OR2L2: variants seen among roughly 807,000 people sequenced by gnomAD.
The protein encoded by OR2L2 is olfactory receptor 2L2.
For missense variants in OR2L2, 378 were observed against 375.2 expected (o/e 1.01, Z -0.06); for synonymous variants, 156 against 135.4 (o/e 1.15, Z -1.06).
At chr1:248,033,888 A>G (rs1203815525) in intron 1 of OR2L2, among the ~76,000 whole-genome samples, 1 of 152,198 alleles carries the variant, frequency 6.6e-6, no homozygotes, top group East Asian at 1.9e-4. Context: ...CACAGCAGTC[A>G]GAAAGAGAAT....
rs1662830703 is a variant in OR2L2, at chr1:248,038,475, C to G, written c.208C>G (p.Leu70Val). The change falls in exon 3 of 3, where the codon CTA (leucine) becomes GTA (valine). Residue 70 changes from leucine (L) to valine (V), a missense_variant. Coordinates refer to ENST00000641771, the MANE Select transcript of OR2L2 (RefSeq NM_001385855.1). ...FLLSQLSLID[L>V]NYISTIVPKM... is the part of the protein sequence containing the mutation. ...ACTTAGTCAGCTCTCCCTCATTGAC[C>G]TAAATTACATCTCCACCATTGTTCC... is the stretch of plus-strand genomic sequence containing the variant. 6.2e-7 allele frequency: 1 copy of G among 1,613,720 alleles called. No homozygotes were observed. Among genetic ancestry groups the G allele is most frequent in the African/African-American group, 1.3e-5 (1 of 74,906 alleles).
At chr1:248,033,895 G>T (rs1244419954) in intron 1 of OR2L2, among the ~76,000 whole-genome samples, 1 of 152,158 alleles carries the variant, frequency 6.6e-6, no homozygotes, top group African/African-American at 2.4e-5. Context: ...GTCAGAAAGA[G>T]AATGAAATAA....
chr1:248,039,088 C>T lies in OR2L2; in HGVS notation c.821C>T (p.Ala274Val). Residue 274 changes from alanine to valine, a missense_variant, in exon 3 of 3, where the codon GCT (alanine) becomes GTT (valine). Transcript: ENST00000641771. ...TCTCCAACAGAGGACAAGATTCTGG[C>T]TGTTTTCTACACCATCCTCACCCCA... Reference protein sequence around the residue: ...LRSPTEDKILAVFYTILTPML... With the variant: ...LRSPTEDKILVVFYTILTPML... 1 of 1,614,096 alleles carries T rather than the reference C, an allele frequency of 6.2e-7. No homozygotes were observed. Among genetic ancestry groups the T allele is most frequent in the Non-Finnish European group, 8.5e-7 (1 of 1,180,014 alleles).
At chr1:248,030,351 A>G (rs1374530262) in intron 1 of OR2L2, 116 bp downstream of exon 1, 1 of 152,198 alleles carries the variant, frequency 6.6e-6, no homozygotes, top group Admixed American at 6.6e-5. Context: ...TTCAGCACTA[A>G]TGACTGTACT....
In OR2L2 at chr1:248,039,597, T is replaced by C. The variant is rs557689772; in HGVS notation, c.*391T>C. ...CACCATGCCCTGCCTGTTTTTTTTTTAATCAAATATAGGTCATATATTTTC... is the reference window on the plus strand; with the variant it reads ...CACCATGCCCTGCCTGTTTTTTTTTCAATCAAATATAGGTCATATATTTTC... On this transcript the variant is annotated 3_prime_UTR_variant, in exon 3 of 3. Transcript: ENST00000641771. 1.9e-5 allele frequency: 3 copies of C among 160,320 alleles called. No homozygotes were observed. The highest frequency in any genetic ancestry group is 4.9e-5 in the African/African-American group (2 of 41,208). 9.9% of individuals were successfully genotyped at this position (160,320 alleles called of 1,614,324 possible). A position where few individuals can be genotyped will look rare whatever the true frequency, so the allele number is the denominator to read the frequency against.
At position 248,038,383 on chromosome 1, in the gene OR2L2, T is replaced by C. The variant is rs778617972; in HGVS notation, c.116T>C (p.Ile39Thr). 3 of 1,613,592 alleles carry C rather than the reference T, an allele frequency of 1.9e-6. No homozygotes were observed. Among genetic ancestry groups the C allele is most frequent in the South Asian group, 2.2e-5 (2 of 91,066 alleles). The change falls in exon 3 of 3, where the codon ATT becomes ACT. Residue 39 changes from isoleucine to threonine, a missense_variant. Ile to Thr is a moderately conservative substitution (Grantham distance 89). Transcript: ENST00000641771. ...LIFLIFLMALIGNLSMILLIF... is the reference protein window; with the variant it reads ...LIFLIFLMALTGNLSMILLIF... The stretch of plus-strand genomic sequence containing the variant: ...TTTCTCATTTTCCTAATGGCTCTAA[T>C]TGGAAATCTATCCATGATTCTTCTC...
At chr1:248,035,844 A>G (rs1054810246) in intron 2 of OR2L2, among the ~76,000 whole-genome samples, 2 of 152,242 alleles carry the variant, frequency 1.3e-5, no homozygotes, top group South Asian at 4.1e-4. Context: ...TCCACTTTAT[A>G]TCTGCAGTAA....
At position 248,039,169 on chromosome 1, in the gene OR2L2, C is replaced by G. The variant is rs766323221; in HGVS notation, c.902C>G (p.Thr301Arg). The change falls in exon 3 of 3, where the codon ACA becomes AGA. Residue 301 changes from threonine to arginine, a missense_variant. Thr to Arg is a moderately conservative substitution (Grantham distance 71). Transcript: ENST00000641771. ...AACAAGGAGGTGATGGGGGCCCTGA[C>G]ACAAGTGATTCAGAAAATCTTCTCA... ...LRNKEVMGAL[T>R]QVIQKIFSVK... The G allele has an allele frequency of 6.2e-7, 1 of 1,611,800 alleles. No individual in the cohort carries two copies.
intron 1 of OR2L2, among the ~76,000 whole-genome samples, chr1:248,030,872 A>G (rs931686241): frequency 6.6e-6 from 1 of 152,172 alleles, no homozygotes; most frequent in Non-Finnish European, 1.5e-5. Flanking sequence ...GTATCATTCC[A>G]TTCATGTAGG....
At chr1:248,035,314 T>C (rs1181322975) in intron 1 of OR2L2, among the ~76,000 whole-genome samples, 1 of 152,030 alleles carries the variant, frequency 6.6e-6, no homozygotes, top group African/African-American at 2.4e-5. Context: ...GCCAGCTTGG[T>C]GGCAGGTGCC....
At chr1:248,032,688 T>C (rs1390176952) in intron 1 of OR2L2, among the ~76,000 whole-genome samples, 1 of 152,232 alleles carries the variant, frequency 6.6e-6, no homozygotes, top group African/African-American at 2.4e-5. Context: ...AAAATTTCTT[T>C]CATTTTAAAA....
At chr1:248,036,406 T>G (rs969501643) in intron 2 of OR2L2, among the ~76,000 whole-genome samples, 3 of 152,218 alleles carry the variant, frequency 2.0e-5, no homozygotes, top group African/African-American at 7.2e-5. Context: ...TTATAACATA[T>G]CATAGACATC....
chr1:248,038,179 C>A, intron 2 of OR2L2, 68 bp from the exon 3 acceptor site: 1 of 926,380 alleles, frequency 1.1e-6, no homozygotes, highest in South Asian at 1.6e-5. Flanking sequence ...CACTGGGAGT[C>A]TTGTAATGCA....
In OR2L2 at chr1:248,038,336, C is replaced by T. The variant is rs1270035620; in HGVS notation, c.69C>T (p.Gly23=). 1.9e-6 allele frequency: 3 copies of T among 1,613,282 alleles called. No individual in the cohort carries two copies. Among genetic ancestry groups the T allele is most frequent in the African/African-American group, 1.3e-5 (1 of 74,870 alleles). Residue 23 remains glycine (G), a synonymous_variant, in exon 3 of 3, where the codon GGC becomes GGT. Transcript: ENST00000641771. The stretch of plus-strand genomic sequence containing the variant: ...GGCTGTTCCCACAATCAAGAATTGG[C>T]CTTTTCGTATTCACCCTCATTTTTC... The part of the protein sequence containing the change: ...LLGLFPQSRI[G]LFVFTLIFLI...
Position 248,038,551 on chromosome 1 carries a change from G to A in OR2L2, c.284G>A (p.Gly95Glu), listed in dbSNP as rs1662834756. ...GGAAACAAGTCTATCTCCTTCACTG[G>A]ATGTGGGATTCAGAGTTTCTTCTTC... ...LYGNKSISFT[G>E]CGIQSFFFLT... is the part of the protein sequence containing the mutation. Residue 95 changes from glycine (G) to glutamate (E), a missense_variant, in exon 3 of 3, where the codon GGA becomes GAA. Gly to Glu is a moderately conservative substitution (Grantham distance 98, BLOSUM62 -2). Coordinates refer to ENST00000641771, the MANE Select transcript of OR2L2 (RefSeq NM_001385855.1). 2 of 1,614,160 alleles carry A rather than the reference G, an allele frequency of 1.2e-6. No individual in the cohort carries two copies. Among genetic ancestry groups the A allele is most frequent in the Admixed American group, 1.7e-5 (1 of 60,018 alleles).
intron 1 of OR2L2, among the ~76,000 whole-genome samples, chr1:248,032,291 T>C (rs1472573741): frequency 2.0e-5 from 3 of 152,152 alleles, no homozygotes; most frequent in Admixed American, 2.0e-4. Context: ...ATTTAAATGT[T>C]TTTATTATTT....
rs1054078329 is a variant in OR2L2 at position 248,038,441 on chromosome 1, G to A, written c.174G>A (p.Met58Ile). 1.2e-6 allele frequency: 2 copies of A among 1,613,754 alleles called. No homozygotes were observed. The highest frequency in any genetic ancestry group is 3.3e-5 in the Admixed American group (2 of 60,010). Residue 58 changes from methionine (M) to isoleucine (I), a missense_variant, in exon 3 of 3, where the codon ATG (methionine) becomes ATA (isoleucine). Coordinates refer to ENST00000641771, the MANE Select transcript of OR2L2 (RefSeq NM_001385855.1). ...IFLDIHLHTP[M>I]YFLLSQLSLI... ...TGGACATCCATCTCCACACACCTAT[G>A]TATTTCCTACTTAGTCAGCTCTCCC...
chr1:248,035,050 C>A (rs1572687252), intron 1 of OR2L2, among the ~76,000 whole-genome samples: 1 of 140,780 alleles, frequency 7.1e-6, no homozygotes. Context: ...TTATCTTTCC[C>A]TTTTTTTTTT....
intron 1 of OR2L2, among the ~76,000 whole-genome samples, chr1:248,031,009 A>G (rs1245040838): frequency 6.6e-6 from 1 of 152,212 alleles, no homozygotes; most frequent in Admixed American, 6.5e-5. Context: ...ACATTTTAGG[A>G]GAGTTACAAA....
Sources: allele counts gnomAD v4.1 joint callset (sites outside exome capture counted in the v4.1 genomes callset), GRCh38; gene constraint gnomAD v4.1.1; transcripts MANE v1.5; gene names NCBI Gene and HGNC (gene_info 2026-07-23, HGNC 2026-07-21).